CERS6: variants seen among roughly 807,000 people sequenced by gnomAD.
The protein encoded by CERS6 is ceramide synthase 6, also known as LAG1 homolog, ceramide synthase 6.
Under a neutral mutation model 56.8 loss-of-function variants are expected in CERS6, and 26 were observed. The ratio of observed to expected loss-of-function variants is 0.46; its 90% CI spans 0.34 to 0.63. The LOEUF (loss-of-function observed/expected upper bound fraction) is 0.63. Among genes scored for constraint, CERS6 ranks in the 30% least tolerant of loss-of-function variants. CERS6 has a pLI of 0.01. For missense variants in CERS6, 415 were observed against 467.5 expected, an observed-to-expected ratio of 0.89 and a Z score of 1.04; for synonymous variants, 164 against 173.3, an observed-to-expected ratio of 0.95 and a Z score of 0.42.
At chr2:168,661,868 C>T (rs941539758) in intron 4 of CERS6, among the ~76,000 whole-genome samples, 5 of 152,230 alleles carry the variant, frequency 3.3e-5, no homozygotes, top group East Asian at 1.9e-4. Context: ...AAATGTTACA[C>T]TGGTAGTGCA....
chr2:168,510,299 T>TA (rs1288727290), intron 1 of CERS6, among the ~76,000 whole-genome samples: 1 of 152,222 alleles, frequency 6.6e-6, no homozygotes, highest in Non-Finnish European at 1.5e-5. Context: ...CAGAGCAACT[T>TA]ACAGTCCTGC....
intron 1 of CERS6, among the ~76,000 whole-genome samples, chr2:168,508,875 T>A (rs1490812331): frequency 6.6e-6 from 1 of 152,180 alleles, no homozygotes; most frequent in Non-Finnish European, 1.5e-5. Context: ...ATAAATTAAA[T>A]TTTAAAAAGT....
chr2:168,616,887 TAATA>T (rs150089988), intron 3 of CERS6, among the ~76,000 whole-genome samples: 2,623 of 152,284 alleles, frequency 0.017, 101 homozygotes, highest in East Asian at 0.16. Flanking sequence ...CAAATGGACT[TAATA>T]GATATTTACA....
intron 1 of CERS6, among the ~76,000 whole-genome samples, chr2:168,533,843 G>A (rs1295920695): frequency 6.6e-6 from 1 of 151,994 alleles, no homozygotes. Flanking sequence ...ATGTCCTTCA[G>A]GTAGGTACTC....
At chr2:168,668,304 G>T (rs1023365307) in intron 4 of CERS6, among the ~76,000 whole-genome samples, 1 of 152,084 alleles carries the variant, frequency 6.6e-6, no homozygotes, top group African/African-American at 2.4e-5. Context: ...ATCTGCAGCA[G>T]TCACCCAAGC....
intron 1 of CERS6, among the ~76,000 whole-genome samples, chr2:168,528,403 G>C (rs1481541475): frequency 6.6e-6 from 1 of 152,150 alleles, no homozygotes; most frequent in East Asian, 1.9e-4. Context: ...CCCTAGGGCT[G>C]GTGGCTGTTC....
rs998016382 is a variant in CERS6 at position 168,563,204 on chromosome 2, A to G, written c.407+1882A>G. Among the ~76,000 whole-genome samples, 3 of 152,218 alleles carry G rather than the reference A, an allele frequency of 2.0e-5. No homozygotes were observed. In the East Asian group the frequency reaches 5.8e-4, roughly 29 times the overall value. On this transcript the variant is annotated intron_variant, in intron 3 of 9. Transcript: ENST00000305747. ...CAAGTTTCTACATGATGCTGGTGCC[A>G]TTGGTCTATAGGTCACACTTTGTGT...
At chr2:168,524,301 T>C (rs1695032868) in intron 1 of CERS6, among the ~76,000 whole-genome samples, 1 of 152,200 alleles carries the variant, frequency 6.6e-6, no homozygotes. Context: ...TTTTGAATGA[T>C]GTTTAATAAG....
rs184870526 is a variant in CERS6, at chr2:168,763,801, G to C, written c.846-1791G>C. Among the ~76,000 whole-genome samples the C allele has an allele frequency of 3.8e-3, 575 of 152,282 alleles. 3 individuals carry two copies. Among genetic ancestry groups the C allele is most frequent in the Non-Finnish European group, 6.1e-3 (418 of 68,018 alleles). ...GTGGCAGGCGGTAGAAATGCACTTAGGTGAGTTTTCTTGTGTGTCTCCAAA... is the reference window on the plus strand; with the variant it reads ...GTGGCAGGCGGTAGAAATGCACTTACGTGAGTTTTCTTGTGTGTCTCCAAA... On this transcript the variant is annotated intron_variant, in intron 8 of 9. Transcript: ENST00000305747.
chr2:168,622,003 T>TTG (rs956245443), intron 3 of CERS6, among the ~76,000 whole-genome samples: 33 of 152,236 alleles, frequency 2.2e-4, no homozygotes, highest in African/African-American at 7.7e-4. Flanking sequence ...AGCATAATTC[T>TTG]TGTGTACAGA....
At chr2:168,762,172 TA>T (rs1209249009) in intron 8 of CERS6, among the ~76,000 whole-genome samples, 1 of 152,082 alleles carries the variant, frequency 6.6e-6, no homozygotes, top group African/African-American at 2.4e-5. Flanking sequence ...TAAATTATAG[TA>T]AATAAATTTT....
intron 3 of CERS6, among the ~76,000 whole-genome samples, chr2:168,568,064 A>G (rs1299990517): frequency 1.3e-5 from 2 of 152,228 alleles, no homozygotes; most frequent in African/African-American, 4.8e-5. Context: ...CCTTGATGGC[A>G]TATGGCTAGG....
chr2:168,582,969 T>C (rs1033429554), intron 3 of CERS6: 4 of 154,374 alleles, frequency 2.6e-5, no homozygotes, highest in Non-Finnish European at 5.9e-5. Flanking sequence ...ATGTAGTAGG[T>C]AATAACTGAC....
intron 8 of CERS6, among the ~76,000 whole-genome samples, chr2:168,761,349 G>A (rs755162818): frequency 2.0e-5 from 3 of 152,168 alleles, no homozygotes; most frequent in Non-Finnish European, 4.4e-5. Flanking sequence ...TGTCGCCAAC[G>A]ACTGTTCTGA....
intron 1 of CERS6, among the ~76,000 whole-genome samples, chr2:168,514,325 C>G (rs143043869): frequency 2.1e-3 from 320 of 152,282 alleles, no homozygotes; most frequent in Non-Finnish European, 3.5e-3. Flanking sequence ...TCTGTTCCTT[C>G]TACATTGCTG....
intron 3 of CERS6, among the ~76,000 whole-genome samples, chr2:168,598,976 A>G (rs973547927): frequency 6.6e-6 from 1 of 152,190 alleles, no homozygotes; most frequent in African/African-American, 2.4e-5. Context: ...AGGCTGTGGT[A>G]ATAACAGCAC....
chr2:168,564,115 A>G (rs1029512245), intron 3 of CERS6, among the ~76,000 whole-genome samples: 2 of 152,052 alleles, frequency 1.3e-5, no homozygotes, highest in East Asian at 1.9e-4. Flanking sequence ...TTAGTCTTCA[A>G]TCTCATTTTT....
chr2:168,563,654 A>G (rs1695832591), intron 3 of CERS6, among the ~76,000 whole-genome samples: 1 of 152,066 alleles, frequency 6.6e-6, no homozygotes, highest in Non-Finnish European at 1.5e-5. Flanking sequence ...AAAATTAGCC[A>G]GATGTGGTGG....
intron 4 of CERS6, among the ~76,000 whole-genome samples, chr2:168,678,736 A>G (rs1172255584): frequency 6.6e-6 from 1 of 152,188 alleles, no homozygotes; most frequent in Non-Finnish European, 1.5e-5. Context: ...TTAGTCACTA[A>G]TTGGGAAGAC....
Sources: allele counts gnomAD v4.1 joint callset (sites outside exome capture counted in the v4.1 genomes callset), GRCh38; gene constraint gnomAD v4.1.1; transcripts MANE v1.5; gene names NCBI Gene and HGNC (gene_info 2026-07-23, HGNC 2026-07-21).